Variants in ANKRD28 observed in about 807,000 individuals in gnomAD.
ANKRD28 encodes serine/threonine-protein phosphatase 6 regulatory ankyrin repeat subunit A.
In ANKRD28, 44 loss-of-function variants were observed where a neutral mutation model predicts 126.5. The ratio of observed to expected loss-of-function variants is 0.35; its 90% CI spans 0.27 to 0.45. The LOEUF (loss-of-function observed/expected upper bound fraction) is 0.45, where lower values mean the gene tolerates loss of function less well. Ranked by LOEUF, ANKRD28 falls within the 20% of genes least tolerant of loss-of-function variation. The pLI, the probability that ANKRD28 is intolerant of heterozygous loss-of-function variation, is 1.00. For synonymous variants in ANKRD28, 442 were observed against 468.5 expected, an observed-to-expected ratio of 0.94 and a Z score of 0.73; for missense variants, 1,110 against 1,316.6, an observed-to-expected ratio of 0.84 and a Z score of 2.43.
chr3:15,802,230 T>C (rs139702127), upstream of ANKRD28, among the ~76,000 whole-genome samples: 649 of 152,282 alleles, frequency 4.3e-3, 5 homozygotes, highest in East Asian at 0.019. Flanking sequence ...GCTTGCTTCC[T>C]GGAACAAAGA....
chr3:15,836,639 C>G (rs988732583), intron 1 of ANKRD28, among the ~76,000 whole-genome samples: 2 of 152,082 alleles, frequency 1.3e-5, no homozygotes, highest in African/African-American at 2.4e-5. Context: ...ATATACCACA[C>G]AAAGAATACC....
In ANKRD28 at chr3:15,713,588, C is replaced by T; in HGVS notation, c.1129G>A (p.Ala377Thr). 1.2e-6 allele frequency: 2 copies of T among 1,610,990 alleles called. No homozygotes were observed. Among genetic ancestry groups the T allele is most frequent in the Non-Finnish European group, 1.7e-6 (2 of 1,178,994 alleles). The change falls in exon 10 of 28, where the codon GCA becomes ACA. Residue 377 changes from alanine (A) to threonine (T), a missense_variant. Transcript: ENST00000683139. ...ATCAGCAGCTCATGGCCATACCGTG[C>T]TGCTATGTGCAAAGGGGTATTTCCA... ...KNGNTPLHIA[A>T]RYGHELLINT...
chr3:15,844,164 G>C (rs572102344), intron 1 of ANKRD28, among the ~76,000 whole-genome samples: 1 of 152,264 alleles, frequency 6.6e-6, no homozygotes, highest in Non-Finnish European at 1.5e-5. Context: ...ACTGATTCTG[G>C]ACTGTGAGCA....
chr3:15,796,622 T>A lies in ANKRD28; in HGVS notation c.-101A>T, dbSNP rs1415043606. On this transcript the variant is annotated 5_prime_UTR_variant, in exon 1 of 28. The change abolishes an upstream ATG in the 5' untranslated region. Transcript: ENST00000683139. The stretch of plus-strand genomic sequence containing the variant: ...CTCTTCTGTACAACACTTACAAACA[T>A]TCTCTGAACAGCACAGCTGGGTTTT... The A allele has an allele frequency of 9.3e-7, 1 of 1,075,212 alleles. No individual in the cohort carries two copies. Among genetic ancestry groups the A allele is most frequent in the African/African-American group, 1.7e-5 (1 of 58,744 alleles). The allele number at this position is 1,075,212 out of a possible 1,614,324, so 66.6% of individuals were successfully genotyped here.
chr3:15,694,838 T>C, intron 16 of ANKRD28, 25 bp from the exon 17 acceptor site: 1 of 1,604,394 alleles, frequency 6.2e-7, no homozygotes, highest in Non-Finnish European at 8.5e-7. Context: ...GCATTTTAAA[T>C]GTCAGAAAGA....
chr3:15,779,623 C>T (rs1233286944), intron 2 of ANKRD28, among the ~76,000 whole-genome samples: 1 of 152,126 alleles, frequency 6.6e-6, no homozygotes, highest in African/African-American at 2.4e-5. Context: ...CTTAGTTTTG[C>T]CTCATCTGTA....
At position 15,832,877 on chromosome 3, in the gene ANKRD28, C is replaced by T. The variant is rs1023675617; in HGVS notation, c.27+26500G>A. Among the ~76,000 whole-genome samples, 39 of 152,252 alleles carry T rather than the reference C, an allele frequency of 2.6e-4. 5 individuals carry two copies. The highest frequency in any genetic ancestry group is 9.8e-4 in the Admixed American group (15 of 15,298). ...TCCACGTATATGCTACGGTGAATAG[C>T]GCTGCAATAAACATACCAGTGTAGA... On this transcript the variant is annotated intron_variant, in intron 1 of 27. Coordinates refer to the ANKRD28 transcript ENST00000399451.
Position 15,754,491 on chromosome 3 carries a change from TA to T in ANKRD28, c.281-2672del, listed in dbSNP as rs753679825. ...TAAGTGAAAAGATGTAAGTTCTCAA[TA>T]AAAAAAAAATCATGCTGAGGTTGCT... On this transcript the variant is annotated intron_variant, in intron 3 of 27. Transcript: ENST00000683139. Among the ~76,000 whole-genome samples the T allele has an allele frequency of 3.0e-4, 44 of 148,120 alleles. No homozygotes were observed. In the East Asian group the frequency reaches 3.1e-3, roughly 11 times the overall value.
At chr3:15,831,884 G>A (rs1465052749) in intron 1 of ANKRD28, among the ~76,000 whole-genome samples, 2 of 152,166 alleles carry the variant, frequency 1.3e-5, no homozygotes, top group South Asian at 2.1e-4. Flanking sequence ...TATATTTTCT[G>A]TATCTTATGC....
exon 1 of ANKRD28, chr3:15,859,480 C>G: frequency 7.4e-7 from 1 of 1,355,186 alleles, no homozygotes; most frequent in South Asian, 1.3e-5. Context: ...GCCCACTGCT[C>G]CCGCCCCAGT....
chr3:15,836,419 G>A (rs1207790955), intron 1 of ANKRD28, among the ~76,000 whole-genome samples: 6 of 151,720 alleles, frequency 4.0e-5, no homozygotes, highest in Non-Finnish European at 7.4e-5. Context: ...GATAAAAGAG[G>A]AACATAAAAG....
At chr3:15,705,512 T>C (rs2125999811) in intron 14 of ANKRD28, among the ~76,000 whole-genome samples, 1 of 152,338 alleles carries the variant, frequency 6.6e-6, no homozygotes, top group South Asian at 2.1e-4. Flanking sequence ...ATAAAAGGTA[T>C]AACTTATTTT....
rs142664617 is a variant in ANKRD28, at chr3:15,827,392, A to G, written c.27+31985T>C. Among the ~76,000 whole-genome samples the G allele has an allele frequency of 3.6e-3, 551 of 152,300 alleles. 7 individuals are homozygous for G. Among genetic ancestry groups the G allele is most frequent in the African/African-American group, 0.013 (531 of 41,576 alleles). On this transcript the variant is annotated intron_variant, in intron 1 of 27. Transcript: ENST00000399451. The stretch of plus-strand genomic sequence containing the variant: ...AAGTGTCCATCAATAAATGAAAAAA[A>G]AGTGGTATATGTACACCCTGGGATA...
chr3:15,788,959 T>C (rs1163496667), intron 2 of ANKRD28, among the ~76,000 whole-genome samples: 4 of 152,160 alleles, frequency 2.6e-5, no homozygotes, highest in Non-Finnish European at 4.4e-5. Flanking sequence ...TCAACTTGTA[T>C]AGCCAATAAG....
chr3:15,696,114 C>T lies in ANKRD28; in HGVS notation c.1659+20G>A. 6.6e-7 allele frequency: 1 copy of T among 1,503,776 alleles called. No individual in the cohort carries two copies. The highest frequency in any genetic ancestry group is 9.1e-7 in the Non-Finnish European group (1 of 1,098,196). 93.2% of individuals were successfully genotyped at this position (1,503,776 alleles called of 1,614,324 possible). A position where few individuals can be genotyped will look rare whatever the true frequency, so the allele number is the denominator to read the frequency against. ...CTATAAACTCCCATTAGGTCTTTCA[C>T]AAGAATTCAGGAATCTTACCAGCTG... On this transcript the variant is annotated intron_variant, in intron 15 of 27. Coordinates refer to ENST00000683139, the MANE Select transcript of ANKRD28 (RefSeq NM_001349278.2).
intron 1 of ANKRD28, among the ~76,000 whole-genome samples, chr3:15,834,508 A>G (rs745866065): frequency 2.6e-5 from 4 of 152,118 alleles, no homozygotes; most frequent in Non-Finnish European, 5.9e-5. Context: ...GCTCTTGAAC[A>G]TGGGAGAGTT....
chr3:15,812,926 C>G lies in ANKRD28; in HGVS notation c.28-17620G>C, dbSNP rs2060747205. 6.6e-6 allele frequency among the ~76,000 whole-genome samples: 1 copy of G among 152,112 alleles called. No homozygotes were observed. The highest frequency in any genetic ancestry group is 6.5e-5 in the Admixed American group (1 of 15,272). ...CATGAATCCTGAATGTGACCCGATT[C>G]ACTCCAATTTGAAGAAAACAATCAG... On this transcript the variant is annotated intron_variant, in intron 1 of 27. Coordinates refer to the ANKRD28 transcript ENST00000399451. The surrounding 1 kb of genome is among the most constrained non-coding windows in gnomAD (Gnocchi z 4.1).
chr3:15,764,908 C>T lies in ANKRD28; in HGVS notation c.280+1326G>A, dbSNP rs567957467. Among the ~76,000 whole-genome samples the T allele has an allele frequency of 3.3e-5, 5 of 152,230 alleles. No individual in the cohort carries two copies. In the South Asian group the frequency reaches 1.0e-3, roughly 32 times the overall value. ...ATTTAATTTTATATGATCATGAAAT[C>T]TGATATAGAAATAAGGTATTTTTTA... On this transcript the variant is annotated intron_variant, in intron 3 of 27. Coordinates refer to ENST00000683139, the MANE Select transcript of ANKRD28 (RefSeq NM_001349278.2).
At chr3:15,742,153 C>A (rs1465487031) in intron 4 of ANKRD28, among the ~76,000 whole-genome samples, 1 of 151,990 alleles carries the variant, frequency 6.6e-6, no homozygotes, top group Non-Finnish European at 1.5e-5. Flanking sequence ...TCTGCCCGGC[C>A]GCCACCCCGT....
Sources: gnomAD v4.1 joint callset for allele counts (sites outside exome capture counted in the v4.1 genomes callset) on GRCh38, gnomAD v4.1.1 for gene constraint, Gnocchi (gnomAD v3.1) non-coding constraint, MANE v1.5 for transcripts, NCBI Gene and HGNC (gene_info 2026-07-23, HGNC 2026-07-21) for gene names.